ELOVL6: variants seen among roughly 807,000 people sequenced by gnomAD.
ELOVL6 encodes the protein very long chain fatty acid elongase 6.
ELOVL6 carries 8 observed loss-of-function variants against 31.7 expected under a neutral mutation model. The observed-to-expected ratio is 0.25, with a 90% CI of 0.15 to 0.45. The LOEUF (loss-of-function observed/expected upper bound fraction) is 0.45, where lower values mean the gene tolerates loss of function less well. ELOVL6 is among the 20% of genes least tolerant of loss of function. The pLI is 1.00. For missense variants in ELOVL6, 126 were observed against 326.4 expected, an observed-to-expected ratio of 0.39 and a Z score of 4.73; for synonymous variants, 101 against 117.7, an observed-to-expected ratio of 0.86 and a Z score of 0.92.
intron 2 of ELOVL6, among the ~76,000 whole-genome samples, chr4:110,061,468 A>T (rs1755135050): frequency 6.6e-6 from 1 of 150,918 alleles, no homozygotes; most frequent in Non-Finnish European, 1.5e-5. Flanking sequence ...GGTTGATTTC[A>T]TTAGTAGCAT....
intron 2 of ELOVL6, among the ~76,000 whole-genome samples, chr4:110,069,131 A>AAATAAC (rs372934652): frequency 3.0e-5 from 4 of 133,698 alleles, no homozygotes; most frequent in East Asian, 2.4e-4. Flanking sequence ...CTCTGTCTCC[A>AAATAAC]AATAATAATA....
intron 1 of ELOVL6, among the ~76,000 whole-genome samples, chr4:110,170,606 A>G (rs986162828): frequency 6.6e-6 from 1 of 152,030 alleles, no homozygotes; most frequent in African/African-American, 2.4e-5. Flanking sequence ...CCTTTCTTAC[A>G]TTTTTGTGCT....
rs1560814231 is a variant in ELOVL6, at chr4:110,084,143, T to TATAACATATATGTG, written c.221+21353_221+21354insCACATATATGTTAT. On this transcript the variant is annotated intron_variant, in intron 2 of 3. Transcript: ENST00000302274. ...ATAACATATATGTGATAATGATATA[T>TATAACATATATGTG]ATGATATATATAACATATATGTGAT... 8.6e-4 allele frequency among the ~76,000 whole-genome samples: 88 copies of TATAACATATATGTG among 102,000 alleles called. 14 individuals carry two copies. Among genetic ancestry groups the TATAACATATATGTG allele is most frequent in the African/African-American group, 4.4e-3 (83 of 18,792 alleles). The allele number at this position is 102,000 out of a possible 152,430, so 66.9% of individuals were successfully genotyped here.
At chr4:110,110,165 A>G (rs1295587997) in intron 1 of ELOVL6, among the ~76,000 whole-genome samples, 1 of 152,222 alleles carries the variant, frequency 6.6e-6, no homozygotes, top group East Asian at 1.9e-4. Context: ...TTTTAGGGAT[A>G]CAAATAAAGT....
chr4:110,108,576 G>GCAAGGA (rs1756949985), intron 1 of ELOVL6, among the ~76,000 whole-genome samples: 1 of 152,198 alleles, frequency 6.6e-6, no homozygotes, highest in Admixed American at 6.5e-5. Flanking sequence ...ATAATTGCAA[G>GCAAGGA]CAAGGAACCT....
chr4:110,140,930 C>A (rs1578511329), intron 1 of ELOVL6, among the ~76,000 whole-genome samples: 1 of 152,220 alleles, frequency 6.6e-6, no homozygotes, highest in East Asian at 1.9e-4. Context: ...AAGAGGTTCA[C>A]TGGACTCACA....
chr4:110,075,392 TA>T (rs1295947803), intron 2 of ELOVL6, among the ~76,000 whole-genome samples: 4 of 151,830 alleles, frequency 2.6e-5, no homozygotes, highest in Non-Finnish European at 2.9e-5. Flanking sequence ...GATGAATGGA[TA>T]AAAAAAATGT....
rs2126217742 is a variant in ELOVL6, at chr4:110,049,376, A to C, written c.*1962T>G. On this transcript the variant is annotated 3_prime_UTR_variant, in exon 4 of 4. Transcript: ENST00000302274. ...GCATGGATTCTTTGTTCACTGCTCA[A>C]ACCATTCACACAGAATGGAATAAAA... 6.5e-6 allele frequency: 1 copy of C among 152,698 alleles called. No homozygotes were observed. The highest frequency in any genetic ancestry group is 1.9e-4 in the East Asian group (1 of 5,188). 9.5% of individuals were successfully genotyped at this position (152,698 alleles called of 1,614,324 possible).
intron 2 of ELOVL6, among the ~76,000 whole-genome samples, chr4:110,076,615 A>T (rs909454343): frequency 1.3e-5 from 2 of 152,308 alleles, no homozygotes; most frequent in Middle Eastern, 6.8e-3. Context: ...TGGAGCCAAG[A>T]AGGTCAAATA....
chr4:110,060,206 TCTACCTCTGGACTCGC>T (rs983796076), intron 2 of ELOVL6, among the ~76,000 whole-genome samples: 4 of 152,230 alleles, frequency 2.6e-5, no homozygotes, highest in African/African-American at 9.6e-5. Context: ...AAACTTTTCC[TCTACCTCTGGACTCGC>T]CTTGCCAGCC....
intron 1 of ELOVL6, among the ~76,000 whole-genome samples, chr4:110,151,758 C>T (rs906175443): frequency 6.6e-6 from 1 of 152,178 alleles, no homozygotes; most frequent in Non-Finnish European, 1.5e-5. Context: ...AGACTTAACA[C>T]CTGCTTCTCC....
intron 2 of ELOVL6, among the ~76,000 whole-genome samples, chr4:110,071,832 G>A (rs1202089212): frequency 6.6e-6 from 1 of 152,188 alleles, no homozygotes; most frequent in Non-Finnish European, 1.5e-5. Context: ...CACATCTTTC[G>A]TTGATAAATA....
chr4:110,080,223 C>T (rs1755792440), intron 2 of ELOVL6, among the ~76,000 whole-genome samples: 1 of 152,158 alleles, frequency 6.6e-6, no homozygotes, highest in South Asian at 2.1e-4. Context: ...GAGAGGGAAT[C>T]CTTCCTAACT....
chr4:110,106,663 A>T (rs1349417384), intron 1 of ELOVL6, among the ~76,000 whole-genome samples: 1 of 152,086 alleles, frequency 6.6e-6, no homozygotes, highest in Admixed American at 6.6e-5. Context: ...CAGCTTCTTA[A>T]CTATATCCTG....
chr4:110,163,544 A>T (rs569971329), intron 1 of ELOVL6, among the ~76,000 whole-genome samples: 5 of 152,210 alleles, frequency 3.3e-5, no homozygotes, highest in Non-Finnish European at 7.3e-5. Flanking sequence ...ACAGTTATGG[A>T]CTGACCGCAT....
At chr4:110,135,703 A>G (rs1757791713) in intron 1 of ELOVL6, among the ~76,000 whole-genome samples, 1 of 152,218 alleles carries the variant, frequency 6.6e-6, no homozygotes, top group South Asian at 2.1e-4. Flanking sequence ...ACTGACCACA[A>G]TTAAGGCTGC....
At chr4:110,119,709 A>C (rs181774414) in intron 1 of ELOVL6, among the ~76,000 whole-genome samples, 170 of 152,330 alleles carry the variant, frequency 1.1e-3, no homozygotes, top group Non-Finnish European at 1.6e-3. Context: ...CAAAGCCAAA[A>C]AAAGAGAGAA....
intron 1 of ELOVL6, among the ~76,000 whole-genome samples, chr4:110,179,434 A>T (rs1759209334): frequency 6.6e-6 from 1 of 152,182 alleles, no homozygotes. Context: ...TGAAACCGGG[A>T]GGCTGAGGTT....
intron 2 of ELOVL6, among the ~76,000 whole-genome samples, chr4:110,067,847 C>A (rs554560104): frequency 1.2e-4 from 19 of 152,202 alleles, no homozygotes; most frequent in African/African-American, 4.3e-4. Context: ...ATTAGAAAAC[C>A]AACTTTAAAT....
Sources: allele counts gnomAD v4.1 joint callset (sites outside exome capture counted in the v4.1 genomes callset), GRCh38; gene constraint gnomAD v4.1.1; transcripts MANE v1.5; gene names NCBI Gene and HGNC (gene_info 2026-07-23, HGNC 2026-07-21).